The following CPQ variants were observed in gnomAD, a reference collection of about 807,000 sequenced individuals.
CPQ encodes the protein carboxypeptidase Q.
In CPQ, 37 loss-of-function variants were observed where a neutral mutation model predicts 45.7. The observed-to-expected ratio is 0.81, with a 90% CI of 0.62 to 1.07. The LOEUF (loss-of-function observed/expected upper bound fraction) is 1.07, where lower values mean the gene tolerates loss of function less well. Ranked by LOEUF, CPQ falls within the 50% of genes least tolerant of loss-of-function variation. The pLI, the probability that CPQ is intolerant of heterozygous loss-of-function variation, is 0.00. For synonymous variants in CPQ, 186 were observed against 205.8 expected (o/e 0.90, Z 0.82); for missense variants, 537 against 572.9 (o/e 0.94, Z 0.64).
In CPQ at chr8:96,806,931, A is replaced by G. The variant is rs577386847; in HGVS notation, c.433+21601A>G. Reference sequence around the variant, plus strand: ...TGTGATTATTATACATTGCATGCCTATATCAAATATCTCATGTACCCTATA... The same window carrying G: ...TGTGATTATTATACATTGCATGCCTGTATCAAATATCTCATGTACCCTATA... On this transcript the variant is annotated intron_variant, in intron 2 of 7. Transcript: ENST00000220763. Among the ~76,000 whole-genome samples the G allele has an allele frequency of 4.6e-5, 7 of 152,328 alleles. No individual in the cohort carries two copies. In the South Asian group the frequency reaches 1.2e-3, roughly 27 times the overall value.
chr8:96,926,857 G>A (rs559058638), intron 4 of CPQ, among the ~76,000 whole-genome samples: 1 of 152,038 alleles, frequency 6.6e-6, no homozygotes, highest in Admixed American at 6.5e-5. Flanking sequence ...GCCCCAGTGT[G>A]TGATGTTCCC....
At chr8:96,892,725 G>T (rs1455439743) in intron 4 of CPQ, among the ~76,000 whole-genome samples, 1 of 152,098 alleles carries the variant, frequency 6.6e-6, no homozygotes, top group Non-Finnish European at 1.5e-5. Flanking sequence ...CATAAAGACA[G>T]CAAATGGAAA....
At chr8:96,784,241 C>G (rs1262898455) in intron 1 of CPQ, among the ~76,000 whole-genome samples, 2 of 152,074 alleles carry the variant, frequency 1.3e-5, no homozygotes, top group Non-Finnish European at 2.9e-5. Context: ...AAAGCCCAGT[C>G]TTTTTATTAA....
rs1217404519 is a variant in CPQ, at chr8:96,862,334, GAA to G, written c.642-17462_642-17461del. On this transcript the variant is annotated intron_variant, in intron 3 of 7. Transcript: ENST00000220763. ...TGTGTGTGTGTGTCTGGGAGAGAGAGAAAGGAGAGAGAGAGGAGAGAAAGACT... is the reference window on the plus strand; with the variant it reads ...TGTGTGTGTGTGTCTGGGAGAGAGAGAGGAGAGAGAGAGGAGAGAAAGACT... Among the ~76,000 whole-genome samples, 77 of 151,364 alleles carry G rather than the reference GAA, an allele frequency of 5.1e-4. 1 individual carries two copies. Among genetic ancestry groups the G allele is most frequent in the African/African-American group, 1.8e-3 (76 of 41,272 alleles).
At chr8:96,982,336 C>A (rs1273987950) in intron 5 of CPQ, among the ~76,000 whole-genome samples, 3 of 152,104 alleles carry the variant, frequency 2.0e-5, no homozygotes, top group African/African-American at 7.2e-5. Context: ...AATAAGATTT[C>A]TCATCCAGGT....
intron 7 of CPQ, among the ~76,000 whole-genome samples, chr8:97,079,546 A>G (rs2130549019): frequency 6.6e-6 from 1 of 152,284 alleles, no homozygotes; most frequent in Non-Finnish European, 1.5e-5. Context: ...AGTCATAAAG[A>G]TATTAAGTAG....
intron 6 of CPQ, among the ~76,000 whole-genome samples, chr8:97,057,038 A>G (rs977866139): frequency 3.3e-5 from 5 of 152,140 alleles, no homozygotes; most frequent in Admixed American, 2.0e-4. Flanking sequence ...TCATCTTCAT[A>G]TATAGATACC....
intron 7 of CPQ, among the ~76,000 whole-genome samples, chr8:97,093,208 A>C (rs1229917073): frequency 6.6e-6 from 1 of 152,216 alleles, no homozygotes; most frequent in Non-Finnish European, 1.5e-5. Flanking sequence ...GAATACTTAC[A>C]CACTGCTGGT....
intron 4 of CPQ, among the ~76,000 whole-genome samples, chr8:96,907,798 A>G (rs1812598002): frequency 6.6e-6 from 1 of 152,130 alleles, no homozygotes; most frequent in Non-Finnish European, 1.5e-5. Context: ...TGTACAGGTC[A>G]TGAGAAAAGA....
chr8:96,774,801 C>CA (rs1243701295), intron 1 of CPQ, among the ~76,000 whole-genome samples: 1 of 152,108 alleles, frequency 6.6e-6, no homozygotes, highest in Admixed American at 6.6e-5. Flanking sequence ...ACAGCATAGT[C>CA]ATAGGTCTTG....
At chr8:96,686,442 A>G (rs1353399985) in intron 1 of CPQ, among the ~76,000 whole-genome samples, 1 of 151,974 alleles carries the variant, frequency 6.6e-6, no homozygotes, top group African/African-American at 2.4e-5. Flanking sequence ...GCCTTTTCAT[A>G]ATTTATTGAG....
chr8:96,868,936 A>G (rs996368517), intron 3 of CPQ, among the ~76,000 whole-genome samples: 3 of 151,288 alleles, frequency 2.0e-5, no homozygotes, highest in Non-Finnish European at 4.4e-5. Flanking sequence ...TTCTGTTGGA[A>G]TAAATAATTT....
rs146356197 is a variant in CPQ at position 96,778,882 on chromosome 8, T to C, written c.-34-5982T>C. On this transcript the variant is annotated intron_variant, in intron 1 of 7. Transcript: ENST00000220763. ...GAGATCGAGATCAGCCTGGCCAATA[T>C]GGTGAAAAGCTGTCTCTACTGAAAA... Among the ~76,000 whole-genome samples the C allele has an allele frequency of 2.7e-3, 413 of 152,036 alleles. 2 individuals are homozygous for C. The highest frequency in any genetic ancestry group is 0.01 in the Middle Eastern group (3 of 294).
intron 1 of CPQ, among the ~76,000 whole-genome samples, chr8:96,681,937 C>T (rs1337963480): frequency 1.3e-5 from 2 of 152,296 alleles, no homozygotes; most frequent in African/African-American, 2.4e-5. Flanking sequence ...CAATGTCTCC[C>T]ATTTGGAATG....
chr8:96,799,885 T>C (rs1480828213), intron 2 of CPQ, among the ~76,000 whole-genome samples: 1 of 152,180 alleles, frequency 6.6e-6, no homozygotes, highest in Non-Finnish European at 1.5e-5. Flanking sequence ...ATGGTAGATC[T>C]TTTTGCCCAT....
intron 2 of CPQ, among the ~76,000 whole-genome samples, chr8:96,830,887 C>T (rs967103264): frequency 6.6e-6 from 1 of 152,176 alleles, no homozygotes; most frequent in African/African-American, 2.4e-5. Flanking sequence ...ATATTTGTTA[C>T]ATTTGTGAAA....
intron 7 of CPQ, among the ~76,000 whole-genome samples, chr8:97,087,423 C>T (rs1017108421): frequency 1.3e-5 from 2 of 152,138 alleles, no homozygotes; most frequent in African/African-American, 4.8e-5. Context: ...CAAGGGCTTT[C>T]CCCTCTGCCT....
At chr8:96,972,674 T>C (rs2130374618) in intron 5 of CPQ, among the ~76,000 whole-genome samples, 1 of 152,310 alleles carries the variant, frequency 6.6e-6, no homozygotes, top group East Asian at 1.9e-4. Context: ...CTGGCATCCA[T>C]GGCTGCAAGA....
chr8:96,843,792 G>A lies in CPQ; in HGVS notation c.641+8612G>A, dbSNP rs143198354. Reference sequence around the variant, plus strand: ...GATGAGGTGACTAACCTTTTGAATTGCTACTCATCAAAAATGGAATCTCTG... The same window carrying A: ...GATGAGGTGACTAACCTTTTGAATTACTACTCATCAAAAATGGAATCTCTG... On this transcript the variant is annotated intron_variant, in intron 3 of 7. Coordinates refer to ENST00000220763, the MANE Select transcript of CPQ (RefSeq NM_016134.4). Among the ~76,000 whole-genome samples the A allele has an allele frequency of 1.3e-4, 20 of 152,234 alleles. No homozygotes were observed. In the East Asian group the frequency reaches 2.7e-3, roughly 21 times the overall value.
Sources: allele counts gnomAD v4.1 joint callset (sites outside exome capture counted in the v4.1 genomes callset), GRCh38; gene constraint gnomAD v4.1.1; transcripts MANE v1.5; gene names NCBI Gene and HGNC (gene_info 2026-07-23, HGNC 2026-07-21).